Variants in FMN1 observed in about 807,000 individuals in gnomAD.
The protein encoded by FMN1 is formin-1.
In FMN1, 110 loss-of-function variants were observed where a neutral mutation model predicts 132.4. That is an observed-to-expected ratio of 0.83 (90% CI 0.71 to 0.97). FMN1 has a LOEUF of 0.97. Ranked by LOEUF, FMN1 falls within the 50% of genes least tolerant of loss-of-function variation. The pLI is 0.00. For missense variants in FMN1, 1,792 were observed against 1,705.3 expected, an observed-to-expected ratio of 1.05 and a Z score of -0.90; for synonymous variants, 722 against 651.7, an observed-to-expected ratio of 1.11 and a Z score of -1.64.
At chr15:33,157,447 G>A (rs750248953) in intron 3 of FMN1, among the ~76,000 whole-genome samples, 2 of 152,046 alleles carry the variant, frequency 1.3e-5, no homozygotes, top group Admixed American at 6.5e-5. Flanking sequence ...TACAGATGAG[G>A]AAACTGAAAT....
chr15:32,925,587 C>T (rs1046358079), intron 10 of FMN1, among the ~76,000 whole-genome samples: 5 of 152,116 alleles, frequency 3.3e-5, no homozygotes, highest in African/African-American at 9.7e-5. Context: ...TTGAGAGACA[C>T]GTCAAAGGCA....
chr15:33,042,653 G>A (rs1459752402), intron 6 of FMN1, among the ~76,000 whole-genome samples: 1 of 152,180 alleles, frequency 6.6e-6, no homozygotes, highest in African/African-American at 2.4e-5. Context: ...GAAGGATTTA[G>A]TAAATGGTGT....
At chr15:32,907,817 A>C (rs1183622648) in intron 12 of FMN1, among the ~76,000 whole-genome samples, 4 of 150,848 alleles carry the variant, frequency 2.7e-5, no homozygotes, top group Non-Finnish European at 4.4e-5. Flanking sequence ...CAGAGTCCTA[A>C]GCCCTGGAAA....
intron 7 of FMN1, among the ~76,000 whole-genome samples, chr15:33,001,584 C>T (rs1351715440): frequency 7.1e-6 from 1 of 140,840 alleles, no homozygotes; most frequent in African/African-American, 2.6e-5. Flanking sequence ...CACCTCCCCC[C>T]ATCCTCCTCC....
At position 32,931,822 on chromosome 15, in the gene FMN1, G is replaced by A. The variant is rs138959718; in HGVS notation, c.3139-5561C>T. On this transcript the variant is annotated intron_variant, in intron 9 of 20. Coordinates refer to ENST00000616417, the MANE Select transcript of FMN1 (RefSeq NM_001277313.2). The stretch of plus-strand genomic sequence containing the variant: ...TTTTTCAACCTTGATTATAATATTA[G>A]CTTTGAACTTTTAGCATATGGTCTT... 2.8e-3 allele frequency among the ~76,000 whole-genome samples: 421 copies of A among 152,240 alleles called. 4 individuals are homozygous for A. The highest frequency in any genetic ancestry group is 9.9e-3 in the African/African-American group (410 of 41,550).
At chr15:33,038,059 C>T (rs2036266319) in intron 6 of FMN1, among the ~76,000 whole-genome samples, 2 of 152,142 alleles carry the variant, frequency 1.3e-5, no homozygotes, top group Non-Finnish European at 2.9e-5. Flanking sequence ...CCCATCTCTA[C>T]TAAAAATATT....
chr15:33,056,333 G>A (rs1053574486), intron 6 of FMN1, among the ~76,000 whole-genome samples: 5 of 152,172 alleles, frequency 3.3e-5, no homozygotes, highest in Non-Finnish European at 5.9e-5. Flanking sequence ...AGGACAATTC[G>A]AGAATCAGGC....
intron 16 of FMN1, among the ~76,000 whole-genome samples, chr15:32,877,953 G>A (rs1395590217): frequency 6.6e-6 from 1 of 152,166 alleles, no homozygotes; most frequent in Non-Finnish European, 1.5e-5. Context: ...CATAAAAAAG[G>A]TCATATATCT....
At chr15:32,856,847 A>G (rs2059143586) in intron 17 of FMN1, among the ~76,000 whole-genome samples, 168 bp downstream of exon 17, 1 of 152,226 alleles carries the variant, frequency 6.6e-6, no homozygotes, top group South Asian at 2.1e-4. Flanking sequence ...CTACAGGACA[A>G]CTTTATCTAC....
At chr15:33,133,908 A>G (rs1198569825) in intron 4 of FMN1, among the ~76,000 whole-genome samples, 1 of 152,214 alleles carries the variant, frequency 6.6e-6, no homozygotes, top group African/African-American at 2.4e-5. Context: ...AATGATAAGT[A>G]GACCTAATAA....
chr15:32,802,581 C>T (rs1457670157), intron 18 of FMN1, among the ~76,000 whole-genome samples: 1 of 152,198 alleles, frequency 6.6e-6, no homozygotes, highest in East Asian at 1.9e-4. Context: ...ACCTTCACCA[C>T]AAAGCCACGG....
chr15:33,028,018 T>C (rs7180389), intron 6 of FMN1, among the ~76,000 whole-genome samples: 73,213 of 152,004 alleles, frequency 0.48, 18,087 homozygotes, highest in Middle Eastern at 0.54. Context: ...CAAGTCAAAA[T>C]TTCTCCATGA....
intron 13 of FMN1, 38 bp downstream of exon 13, chr15:32,901,873 A>G: frequency 6.4e-7 from 1 of 1,560,378 alleles, no homozygotes; most frequent in South Asian, 1.2e-5. Context: ...TTTACTCTTC[A>G]GAGCAAGGCT....
At chr15:32,874,486 C>T (rs1262460776) in intron 16 of FMN1, among the ~76,000 whole-genome samples, 2 of 152,156 alleles carry the variant, frequency 1.3e-5, no homozygotes, top group Non-Finnish European at 1.5e-5. Context: ...AGTTGATTCT[C>T]TTCAGGATCA....
chr15:33,052,382 G>A (rs1021506525), intron 6 of FMN1, among the ~76,000 whole-genome samples: 1 of 152,180 alleles, frequency 6.6e-6, no homozygotes, highest in Admixed American at 6.5e-5. Context: ...AAAATGCTGG[G>A]TTCAGCATGG....
intron 6 of FMN1, among the ~76,000 whole-genome samples, chr15:33,056,468 T>G (rs2037220715): frequency 6.6e-6 from 1 of 152,160 alleles, no homozygotes; most frequent in Admixed American, 6.5e-5. Flanking sequence ...GCCAGATTGG[T>G]TACAGCTCAG....
At chr15:32,853,794 T>A (rs1266613821) in intron 17 of FMN1, among the ~76,000 whole-genome samples, 1 of 152,200 alleles carries the variant, frequency 6.6e-6, no homozygotes, top group Non-Finnish European at 1.5e-5. Context: ...TTTGGTTACG[T>A]AGCCCCACTT....
chr15:32,907,255 A>G (rs1298702244), intron 12 of FMN1, among the ~76,000 whole-genome samples: 1 of 152,106 alleles, frequency 6.6e-6, no homozygotes, highest in Non-Finnish European at 1.5e-5. Context: ...ATCTAGGATT[A>G]GTGGGAGCCC....
At chr15:32,912,627 T>G (rs1222167869) in intron 10 of FMN1, among the ~76,000 whole-genome samples, 1 of 152,130 alleles carries the variant, frequency 6.6e-6, no homozygotes, top group African/African-American at 2.4e-5. Context: ...GAGGTGACAT[T>G]TAAGAGAAGA....
Sources: gnomAD v4.1 joint callset for allele counts (sites outside exome capture counted in the v4.1 genomes callset) on GRCh38, gnomAD v4.1.1 for gene constraint, MANE v1.5 for transcripts, NCBI Gene and HGNC (gene_info 2026-07-23, HGNC 2026-07-21) for gene names.